SLC46A2: variants seen among roughly 807,000 people sequenced by gnomAD.
SLC46A2 encodes solute carrier family 46 member 2.
Under a neutral mutation model 33.1 loss-of-function variants are expected in SLC46A2, and 25 were observed. The ratio of observed to expected loss-of-function variants is 0.76; its 90% CI spans 0.55 to 1.06. The LOEUF (loss-of-function observed/expected upper bound fraction) is 1.06, where lower values mean the gene tolerates loss of function less well. Ranked by LOEUF, SLC46A2 falls within the 50% of genes least tolerant of loss-of-function variation. The pLI is 0.00. For synonymous variants in SLC46A2, 254 were observed against 275.9 expected (o/e 0.92, Z 0.79); for missense variants, 622 against 621.7 (o/e 1.00, Z 0.00).
chr9:112,890,709 C>T lies in SLC46A2; in HGVS notation c.-28G>A, dbSNP rs761431470. On this transcript the variant is annotated 5_prime_UTR_variant, in exon 1 of 4. Transcript: ENST00000374228. The surrounding 1 kb of genome is among the most constrained non-coding windows in gnomAD (Gnocchi z 6.0). ...GACCTCTCTGATGGGGATCGAAGGG[C>T]TTTCTGGCTGCAGTGACAAGGATAT... 16 of 1,568,372 alleles carry T rather than the reference C, an allele frequency of 1.0e-5. No homozygotes were observed. The East Asian group carries it at 3.4e-4, about 33-fold the overall frequency.
At chr9:112,881,723 G>A (rs970492087) in intron 3 of SLC46A2, 5 of 152,220 alleles carry the variant, frequency 3.3e-5, no homozygotes, top group African/African-American at 1.2e-4. Flanking sequence ...TACAGGGAGA[G>A]CCAAATAGCC....
chr9:112,879,719 C>A lies in SLC46A2; in HGVS notation c.*43G>T. The A allele has an allele frequency of 6.4e-7, 1 of 1,572,456 alleles. No individual in the cohort carries two copies. Among genetic ancestry groups the A allele is most frequent in the Non-Finnish European group, 8.7e-7 (1 of 1,143,522 alleles). ...GGTCCCTTCTTTTGTCTTCTGGGGGCCTGGCCATGGCTGATGTTTTCAGTT... is the reference window on the plus strand; with the variant it reads ...GGTCCCTTCTTTTGTCTTCTGGGGGACTGGCCATGGCTGATGTTTTCAGTT... On this transcript the variant is annotated 3_prime_UTR_variant, in exon 4 of 4. Coordinates refer to ENST00000374228, the MANE Select transcript of SLC46A2 (RefSeq NM_033051.4).
intron 3 of SLC46A2, among the ~76,000 whole-genome samples, chr9:112,882,200 G>C (rs1195839970): frequency 6.6e-6 from 1 of 152,150 alleles, no homozygotes; most frequent in Non-Finnish European, 1.5e-5. Context: ...TCAACCTCCT[G>C]GGCTCAAGCA....
Position 112,886,657 on chromosome 9 carries a change from C to G in SLC46A2, c.1214-41G>C, listed in dbSNP as rs371511474. The G allele has an allele frequency of 6.1e-5, 98 of 1,608,850 alleles. No individual in the cohort carries two copies. In the African/African-American group the frequency reaches 1.2e-3, roughly 19 times the overall value. On this transcript the variant is annotated intron_variant, in intron 2 of 3. Coordinates refer to ENST00000374228, the MANE Select transcript of SLC46A2 (RefSeq NM_033051.4). ...AGGTTACTCCGGAGTGCCTTGCTGT[C>G]CCTGCCTCACTCCCCATTAGCTGAG...
intron 2 of SLC46A2, 120 bp downstream of exon 2, chr9:112,887,210 G>T (rs1199056697): frequency 1.2e-6 from 1 of 838,364 alleles, no homozygotes; most frequent in Non-Finnish European, 1.9e-6. Context: ...AGTGTTTCTA[G>T]TGTCTTCAAA....
intron 2 of SLC46A2, among the ~76,000 whole-genome samples, 157 bp downstream of exon 2, chr9:112,887,173 C>G (rs540315698): frequency 6.6e-6 from 1 of 152,306 alleles, no homozygotes; most frequent in East Asian, 1.9e-4. Flanking sequence ...ATACCCGTCT[C>G]CACTCTCTGT....
chr9:112,890,369 G>A lies in SLC46A2; in HGVS notation c.313C>T (p.Arg105Ter), dbSNP rs367894576. The change falls in exon 1 of 4, where the codon CGA becomes TGA. Residue 105 changes from arginine (R) to a stop codon, truncating the protein, a stop_gained. Coordinates refer to ENST00000374228, the MANE Select transcript of SLC46A2 (RefSeq NM_033051.4). LOFTEE classifies it high-confidence loss of function. The surrounding 1 kb of genome is among the most constrained non-coding windows in gnomAD (Gnocchi z 6.0). ...AGCGACATGCAGATGGAGATCTTTC[G>A]GTGGTAGCGGTCGCTGAGCCATCCC... ...GLGWLSDRYH[R>*]KISICMSLLG... The A allele has an allele frequency of 1.1e-5, 17 of 1,614,142 alleles. No homozygotes were observed. Among genetic ancestry groups the A allele is most frequent in the East Asian group, 8.9e-5 (4 of 44,876 alleles).
rs117733746 is a variant in SLC46A2, at chr9:112,883,843, G to A, written c.1370+2617C>T. Among the ~76,000 whole-genome samples, 79 of 152,074 alleles carry A rather than the reference G, an allele frequency of 5.2e-4. 1 individual carries two copies. The East Asian group carries it at 0.015, about 28-fold the overall frequency. ...CTCCCGAATAACTGGGACTGCAGGC[G>A]CATGTTGCCAAGCCCGGCTAATTTT... On this transcript the variant is annotated intron_variant, in intron 3 of 3. Transcript: ENST00000374228.
At chr9:112,886,739 T>C in intron 2 of SLC46A2, 123 bp from the exon 3 acceptor site, 1 of 1,025,498 alleles carries the variant, frequency 9.8e-7, no homozygotes, top group Non-Finnish European at 1.4e-6. Context: ...TCTCTCTTTT[T>C]TTAGAGACAG....
At chr9:112,883,032 G>A (rs904797245) in intron 3 of SLC46A2, among the ~76,000 whole-genome samples, 1 of 152,130 alleles carries the variant, frequency 6.6e-6, no homozygotes, top group Non-Finnish European at 1.5e-5. Flanking sequence ...ATTAGATGTC[G>A]CCAAGAAATC....
chr9:112,882,795 A>C (rs1430481723), intron 3 of SLC46A2, among the ~76,000 whole-genome samples: 2 of 152,154 alleles, frequency 1.3e-5, no homozygotes, highest in African/African-American at 4.8e-5. Context: ...GGAGGGTATC[A>C]AGAACCCTAT....
chr9:112,890,718 T>C lies in SLC46A2; in HGVS notation c.-37A>G. 2 of 1,562,530 alleles carry C rather than the reference T, an allele frequency of 1.3e-6. No homozygotes were observed. Among genetic ancestry groups the C allele is most frequent in the Non-Finnish European group, 1.7e-6 (2 of 1,160,788 alleles). ...GATGGGGATCGAAGGGCTTTCTGGC[T>C]GCAGTGACAAGGATATGCTCCCAAA... On this transcript the variant is annotated 5_prime_UTR_variant, in exon 1 of 4. Coordinates refer to ENST00000374228, the MANE Select transcript of SLC46A2 (RefSeq NM_033051.4). This position sits in a 1 kb window ranked among gnomAD's most constrained non-coding sequence, Gnocchi z 6.0.
Position 112,890,268 on chromosome 9 carries a change from C to T in SLC46A2, c.414G>A (p.Gly138=), listed in dbSNP as rs755842519. 6.2e-7 allele frequency: 1 copy of T among 1,613,462 alleles called. No homozygotes were observed. The highest frequency in any genetic ancestry group is 8.5e-7 in the Non-Finnish European group (1 of 1,179,902). The change falls in exon 1 of 4, where the codon GGG becomes GGA. Residue 138 remains glycine, a synonymous_variant. Transcript: ENST00000374228. The surrounding 1 kb of genome is among the most constrained non-coding windows in gnomAD (Gnocchi z 6.0). Reference sequence around the variant, plus strand: ...CGAATAGCCCGTTCAGCGCCGCCGCCCCGTACAGCACCTCCACTGGCCAGT... The same window carrying T: ...CGAATAGCCCGTTCAGCGCCGCCGCTCCGTACAGCACCTCCACTGGCCAGT... The part of the protein sequence containing the change: ...LLDWPVEVLY[G]AAALNGLFGG...
chr9:112,879,478 A>G lies in SLC46A2; in HGVS notation c.*284T>C. 1 of 357,350 alleles carries G rather than the reference A, an allele frequency of 2.8e-6. No homozygotes were observed. The highest frequency in any genetic ancestry group is 5.6e-5 in the South Asian group (1 of 17,730). The allele number at this position is 357,350 out of a possible 1,614,324, so 22.1% of individuals were successfully genotyped here. A position where few individuals can be genotyped will look rare whatever the true frequency, so the allele number is the denominator to read the frequency against. ...CACAGGGCCTGGGACTGCTGTGTGC[A>G]GCCTGCCTGTAACCCTTAAGGTCAT... On this transcript the variant is annotated 3_prime_UTR_variant, in exon 4 of 4. Transcript: ENST00000374228.
chr9:112,886,576 G>A lies in SLC46A2; in HGVS notation c.1254C>T (p.Thr418=), dbSNP rs200400658. The change falls in exon 3 of 4, where the codon ACC becomes ACT. Residue 418 remains threonine (T), a synonymous_variant. Coordinates refer to ENST00000374228, the MANE Select transcript of SLC46A2 (RefSeq NM_033051.4). ...FVILQLSLAL[T]GVVTSTLYNK... is the part of the protein sequence containing the mutation. ...TGTACAAGGTGGATGTCACCACGCC[G>A]GTCAGAGCCAAGGACAGCTGCAGTA... 108 of 1,614,076 alleles carry A rather than the reference G, an allele frequency of 6.7e-5. 1 individual carries two copies. The East Asian group carries it at 2.0e-3, about 30-fold the overall frequency.
At chr9:112,889,501 C>G (rs907284823) in intron 1 of SLC46A2, 52 bp downstream of exon 1, 2 of 1,532,074 alleles carry the variant, frequency 1.3e-6, no homozygotes, top group Non-Finnish European at 1.8e-6. Context: ...GTGTCAGCCC[C>G]ATGATGCAGA....
At position 112,890,547 on chromosome 9, in the gene SLC46A2, C is replaced by G. The variant is rs1841718114; in HGVS notation, c.135G>C (p.Lys45Asn). ...AGGAGCCTCCGGTTCCGTAGGACGC[C>G]TTCACCACGAGGAGTAGCCCCGCAT... ...LYDAGLLLVV[K>N]ASYGTGGSSN... The change falls in exon 1 of 4, where the codon AAG becomes AAC. Residue 45 changes from lysine (K) to asparagine (N), a missense_variant. Lys to Asn is a moderately conservative substitution (Grantham distance 94, BLOSUM62 0). Transcript: ENST00000374228. This position sits in a 1 kb window ranked among gnomAD's most constrained non-coding sequence, Gnocchi z 6.0. 1 of 1,613,730 alleles carries G rather than the reference C, an allele frequency of 6.2e-7. No homozygotes were observed. Among genetic ancestry groups the G allele is most frequent in the Middle Eastern group, 1.7e-4 (1 of 6,060 alleles).
In SLC46A2 at chr9:112,890,687, C is replaced by T; in HGVS notation, c.-6G>A. 4 of 1,592,940 alleles carry T rather than the reference C, an allele frequency of 2.5e-6. No homozygotes were observed. The East Asian group carries it at 6.7e-5, about 27-fold the overall frequency. ...CAGGTGACCTCGGGGCTCATGTGAC[C>T]TCTCTGATGGGGATCGAAGGGCTTT... On this transcript the variant is annotated 5_prime_UTR_variant, in exon 1 of 4. Transcript: ENST00000374228. The surrounding 1 kb of genome is among the most constrained non-coding windows in gnomAD (Gnocchi z 6.0).
chr9:112,883,308 C>A (rs1487391010), intron 3 of SLC46A2, among the ~76,000 whole-genome samples: 3 of 152,108 alleles, frequency 2.0e-5, no homozygotes, highest in Non-Finnish European at 4.4e-5. Context: ...GTGGAATGAG[C>A]TTTCTCAGGA....
Sources: allele counts gnomAD v4.1 joint callset (sites outside exome capture counted in the v4.1 genomes callset), GRCh38; gene constraint gnomAD v4.1.1; non-coding constraint Gnocchi (gnomAD v3.1); transcripts MANE v1.5; gene names NCBI Gene and HGNC (gene_info 2026-07-23, HGNC 2026-07-21).